CNTN5: variants seen among roughly 807,000 people sequenced by gnomAD.
The protein encoded by CNTN5 is contactin 5.
Under a neutral mutation model 129.1 loss-of-function variants are expected in CNTN5, and 77 were observed. The observed-to-expected ratio is 0.60, with a 90% CI of 0.50 to 0.72. CNTN5 has a LOEUF of 0.72. Ranked by LOEUF, CNTN5 falls within the 30% of genes least tolerant of loss-of-function variation. The pLI is 0.00. For synonymous variants in CNTN5, 509 were observed against 465.6 expected (o/e 1.09, Z -1.20); for missense variants, 1,478 against 1,328.8 (o/e 1.11, Z -1.75).
At chr11:100,171,846 GAA>G (rs5794040) in intron 13 of CNTN5, among the ~76,000 whole-genome samples, 1 of 150,740 alleles carries the variant, frequency 6.6e-6, no homozygotes, top group Admixed American at 6.6e-5. Context: ...AAAGCTAAAA[GAA>G]AAAAAAACCT....
intron 3 of CNTN5, among the ~76,000 whole-genome samples, chr11:99,800,250 A>G (rs879347939): frequency 2.6e-5 from 4 of 151,944 alleles, no homozygotes; most frequent in Non-Finnish European, 5.9e-5. Flanking sequence ...AAATTGTCTA[A>G]TACTTGGTTT....
At chr11:99,043,762 G>C (rs1864099497) in intron 1 of CNTN5, among the ~76,000 whole-genome samples, 1 of 152,138 alleles carries the variant, frequency 6.6e-6, no homozygotes, top group South Asian at 2.1e-4. Flanking sequence ...TCAGTTTAAA[G>C]ACATAGAGGA....
chr11:99,811,969 G>A (rs552568086), intron 3 of CNTN5, among the ~76,000 whole-genome samples: 1 of 152,212 alleles, frequency 6.6e-6, no homozygotes, highest in Admixed American at 6.5e-5. Flanking sequence ...AAAAGGTATG[G>A]GTTTGAGGAG....
At chr11:100,042,835 G>T (rs1942456763) in intron 9 of CNTN5, among the ~76,000 whole-genome samples, 1 of 152,034 alleles carries the variant, frequency 6.6e-6, no homozygotes, top group African/African-American at 2.4e-5. Context: ...CATCATCCTC[G>T]GTATGATATT....
intron 3 of CNTN5, among the ~76,000 whole-genome samples, chr11:99,613,893 C>A (rs1407628874): frequency 3.9e-5 from 6 of 152,032 alleles, no homozygotes; most frequent in Non-Finnish European, 8.8e-5. Context: ...TTATGTTTGG[C>A]TAATTTTAGA....
At chr11:99,044,716 G>A (rs1376848037) in intron 1 of CNTN5, among the ~76,000 whole-genome samples, 2 of 152,158 alleles carry the variant, frequency 1.3e-5, no homozygotes, top group East Asian at 1.9e-4. Context: ...GGGGTGGGGC[G>A]TGGCTAGAGA....
intron 1 of CNTN5, among the ~76,000 whole-genome samples, chr11:99,318,437 A>G (rs1865434379): frequency 6.6e-6 from 1 of 152,232 alleles, no homozygotes; most frequent in Non-Finnish European, 1.5e-5. Flanking sequence ...TTTCAGCACT[A>G]ATGCTATGAT....
At chr11:100,341,363 A>G (rs1482303170) in intron 23 of CNTN5, among the ~76,000 whole-genome samples, 158 bp downstream of exon 23, 1 of 152,218 alleles carries the variant, frequency 6.6e-6, no homozygotes, top group Non-Finnish European at 1.5e-5. Context: ...CTATAGATAG[A>G]GAAGCCAAGG....
chr11:100,230,515 G>A (rs1949466419), intron 16 of CNTN5, among the ~76,000 whole-genome samples: 1 of 152,088 alleles, frequency 6.6e-6, no homozygotes, highest in African/African-American at 2.4e-5. Flanking sequence ...TTCTGCACCA[G>A]CTTTAGTTTG....
At chr11:99,422,395 C>G (rs1942928367) in intron 2 of CNTN5, among the ~76,000 whole-genome samples, 1 of 151,116 alleles carries the variant, frequency 6.6e-6, no homozygotes, top group South Asian at 2.1e-4. Context: ...CACATTATAT[C>G]AGGGGAATCG....
At chr11:100,146,678 AAATAT>A (rs1403503002) in intron 13 of CNTN5, among the ~76,000 whole-genome samples, 3 of 152,138 alleles carry the variant, frequency 2.0e-5, no homozygotes, top group Non-Finnish European at 2.9e-5. Flanking sequence ...TCACTGTTGA[AAATAT>A]AATATAGTTA....
At chr11:100,243,862 C>A (rs1018568256) in intron 16 of CNTN5, among the ~76,000 whole-genome samples, 1 of 152,124 alleles carries the variant, frequency 6.6e-6, no homozygotes, top group African/African-American at 2.4e-5. Context: ...CACCCCTGTA[C>A]TTCAGTATGA....
chr11:99,410,982 C>A (rs116429207), intron 2 of CNTN5, among the ~76,000 whole-genome samples: 1 of 152,110 alleles, frequency 6.6e-6, no homozygotes, highest in African/African-American at 2.4e-5. Context: ...AATTTATTTG[C>A]GTATATTGAG....
chr11:99,428,100 C>CA (rs904311757), intron 2 of CNTN5, among the ~76,000 whole-genome samples: 1 of 152,078 alleles, frequency 6.6e-6, no homozygotes, highest in Non-Finnish European at 1.5e-5. Flanking sequence ...ATTTACTGTA[C>CA]AAAATTTGTT....
Position 99,342,571 on chromosome 11 carries a change from C to CA in CNTN5, c.-71+17118dup, listed in dbSNP as rs58710723. Among the ~76,000 whole-genome samples the CA allele has an allele frequency of 5.5e-3, 136 of 24,510 alleles. 31 individuals carry two copies. Among genetic ancestry groups the CA allele is most frequent in the African/African-American group, 0.025 (122 of 4,790 alleles). The allele number at this position is 24,510 out of a possible 152,430, so 16.1% of individuals were successfully genotyped here. A position where few individuals can be genotyped will look rare whatever the true frequency, so the allele number is the denominator to read the frequency against. The stretch of plus-strand genomic sequence containing the variant: ...GCAACATGGCGAAACCCCGTTATCT[C>CA]AAAAAAAAAAAAAAAAAAAAAAAAA... On this transcript the variant is annotated intron_variant, in intron 2 of 24. Coordinates refer to ENST00000524871, the MANE Select transcript of CNTN5 (RefSeq NM_014361.4).
chr11:99,260,346 T>C (rs1229021943), intron 1 of CNTN5, among the ~76,000 whole-genome samples: 2 of 151,808 alleles, frequency 1.3e-5, no homozygotes, highest in East Asian at 3.9e-4. Flanking sequence ...TTTACACATG[T>C]ACAATGCCTC....
intron 3 of CNTN5, among the ~76,000 whole-genome samples, chr11:99,691,272 T>C (rs1268479343): frequency 6.6e-6 from 1 of 152,068 alleles, no homozygotes; most frequent in Non-Finnish European, 1.5e-5. Context: ...CTGATCTTTA[T>C]TTCTTGTCTT....
intron 1 of CNTN5, among the ~76,000 whole-genome samples, chr11:99,277,763 A>C (rs1474559212): frequency 6.6e-6 from 1 of 151,668 alleles, no homozygotes; most frequent in African/African-American, 2.4e-5. Context: ...AACAACATGT[A>C]TTATAGTGAC....
intron 13 of CNTN5, among the ~76,000 whole-genome samples, chr11:100,097,531 C>T (rs912044719): frequency 6.6e-6 from 1 of 151,916 alleles, no homozygotes; most frequent in Non-Finnish European, 1.5e-5. Flanking sequence ...AGAAGTTATT[C>T]CTGGCAATTG....
Sources: allele counts gnomAD v4.1 joint callset (sites outside exome capture counted in the v4.1 genomes callset), GRCh38; gene constraint gnomAD v4.1.1; transcripts MANE v1.5; gene names NCBI Gene and HGNC (gene_info 2026-07-23, HGNC 2026-07-21).